The following ARHGEF10 variants were observed in gnomAD, a reference collection of about 807,000 sequenced individuals.
ARHGEF10 encodes the protein Rho guanine nucleotide exchange factor 10.
Under a neutral mutation model 147.4 loss-of-function variants are expected in ARHGEF10, and 140 were observed. The ratio of observed to expected loss-of-function variants is 0.95; its 90% CI spans 0.83 to 1.09. The LOEUF is 1.09. Ranked by LOEUF, ARHGEF10 falls within the 50% of genes least tolerant of loss-of-function variation. The pLI, the probability that ARHGEF10 is intolerant of heterozygous loss-of-function variation, is 0.00. For missense variants in ARHGEF10, 2,222 were observed against 1,752.7 expected (o/e 1.27, Z -4.78); for synonymous variants, 902 against 695.8 (o/e 1.30, Z -4.67).
intron 7 of ARHGEF10, among the ~76,000 whole-genome samples, chr8:1,873,874 T>TA (rs1807403935): frequency 1.3e-5 from 2 of 152,120 alleles, no homozygotes; most frequent in East Asian, 1.9e-4. Flanking sequence ...CTTTTTTTTT[T>TA]ATTGTGTCAG....
intron 11 of ARHGEF10, among the ~76,000 whole-genome samples, chr8:1,889,046 G>T (rs1183927513): frequency 1.0e-5 from 1 of 97,794 alleles, no homozygotes; most frequent in East Asian, 3.6e-4. Context: ...ATGGAGTGGG[G>T]TGCGGGTCAT....
In ARHGEF10 at chr8:1,905,626, T is replaced by A. The variant is rs1810827471; in HGVS notation, c.1877T>A (p.Val626Asp). Reference sequence around the variant, plus strand: ...CGATCAGATGATATGATAGAAACAGTTTACAACGACAGAGGAGAGATTGTT... The same window carrying A: ...CGATCAGATGATATGATAGAAACAGATTACAACGACAGAGGAGAGATTGTT... ...LIRSDDMIET[V>D]YNDRGEIVKT... Residue 626 changes from valine (V) to aspartate (D), a missense_variant, in exon 17 of 29, where the codon GTT (valine) becomes GAT (aspartate). Physicochemically the swap from Val to Asp is radical, Grantham distance 152 (BLOSUM62 -3). Transcript: ENST00000349830. The A allele has an allele frequency of 6.2e-7, 1 of 1,614,080 alleles. No individual in the cohort carries two copies. The highest frequency in any genetic ancestry group is 1.7e-5 in the Admixed American group (1 of 60,006).
intron 27 of ARHGEF10, among the ~76,000 whole-genome samples, chr8:1,951,011 A>T (rs1463052670): frequency 1.3e-5 from 2 of 152,028 alleles, no homozygotes; most frequent in African/African-American, 4.8e-5. Flanking sequence ...CCAGTATCTC[A>T]CATCCCTGCT....
At chr8:1,843,756 G>A (rs1329474173) in intron 2 of ARHGEF10, among the ~76,000 whole-genome samples, 1 of 152,194 alleles carries the variant, frequency 6.6e-6, no homozygotes, top group Non-Finnish European at 1.5e-5. Context: ...GGTTGTTACA[G>A]AATGGCGCCT....
chr8:1,894,290 C>T (rs1404128269), intron 12 of ARHGEF10, 103 bp from the exon 13 acceptor site: 2 of 1,201,170 alleles, frequency 1.7e-6, no homozygotes, highest in South Asian at 1.3e-5. Context: ...TTTGAGGCTG[C>T]AGTGAGCCAT....
chr8:1,844,853 G>C (rs1804429145), intron 2 of ARHGEF10, among the ~76,000 whole-genome samples: 1 of 152,108 alleles, frequency 6.6e-6, no homozygotes, highest in South Asian at 2.1e-4. Context: ...AATCACTTGA[G>C]CCCAGGAGTT....
In ARHGEF10 at chr8:1,909,333, ACTTGC is replaced by A; in HGVS notation, c.2007_2011del (p.Leu670GlufsTer40). ...AGCCGTGTGATGAGCAGCCAGAGGT[ACTTGC>A]TGAAGTGGAGCGTTCCACTGGGACA... On this transcript the variant is annotated frameshift_variant, in exon 18 of 29. Coordinates refer to ENST00000349830, the MANE Select transcript of ARHGEF10 (RefSeq NM_014629.4). LOFTEE classifies it high-confidence loss of function. 1 of 1,614,234 alleles carries A rather than the reference ACTTGC, an allele frequency of 6.2e-7. No individual in the cohort carries two copies. Among genetic ancestry groups the A allele is most frequent in the Non-Finnish European group, 8.5e-7 (1 of 1,180,046 alleles).
chr8:1,933,779 A>C (rs746742048), intron 25 of ARHGEF10, 21 bp from the exon 26 acceptor site: 32 of 1,614,052 alleles, frequency 2.0e-5, no homozygotes. Context: ...ACTTGAATGA[A>C]ATGAAATATT....
intron 1 of ARHGEF10, among the ~76,000 whole-genome samples, chr8:1,828,584 C>G (rs1283082057): frequency 7.3e-6 from 1 of 136,432 alleles, no homozygotes; most frequent in Non-Finnish European, 1.5e-5. Context: ...GTGGCATGCA[C>G]ACTTCCTGTT....
intron 24 of ARHGEF10, among the ~76,000 whole-genome samples, chr8:1,929,056 G>C (rs1244762846): frequency 6.6e-6 from 1 of 151,982 alleles, no homozygotes; most frequent in Non-Finnish European, 1.5e-5. Context: ...GAAGTTCCAA[G>C]ATACACAGTA....
Position 1,956,648 on chromosome 8 carries a change from G to A in ARHGEF10, c.3521-101G>A, listed in dbSNP as rs1294632778. ...GTTACTTACAGGCTTTGTTATTTGG[G>A]CAGGGAGGAATGCGTTGGGGTTAAG... On this transcript the variant is annotated intron_variant, in intron 28 of 28. Transcript: ENST00000349830. The A allele has an allele frequency of 8.8e-6, 11 of 1,256,320 alleles. No individual in the cohort carries two copies. In the East Asian group the frequency reaches 2.3e-4, roughly 27 times the overall value. 77.8% of individuals were successfully genotyped at this position (1,256,320 alleles called of 1,614,324 possible).
chr8:1,953,623 G>A (rs1815238578), intron 28 of ARHGEF10, among the ~76,000 whole-genome samples: 1 of 26,954 alleles, frequency 3.7e-5, no homozygotes, highest in Admixed American at 4.3e-4. Context: ...ATTTGCCACA[G>A]CATTTAATTT....
At chr8:1,828,361 G>A (rs973395156) in intron 1 of ARHGEF10, among the ~76,000 whole-genome samples, 1 of 151,220 alleles carries the variant, frequency 6.6e-6, no homozygotes, top group African/African-American at 2.4e-5. Context: ...CACACTTAAC[G>A]GTTTTAAGGA....
At chr8:1,853,223 G>A (rs1805281502) in intron 2 of ARHGEF10, among the ~76,000 whole-genome samples, 2 of 152,198 alleles carry the variant, frequency 1.3e-5, no homozygotes, top group African/African-American at 4.8e-5. Context: ...GGGGCACAGA[G>A]CCTCTCCCTA....
intron 1 of ARHGEF10, among the ~76,000 whole-genome samples, chr8:1,836,213 C>G (rs988749947): frequency 1.3e-5 from 2 of 151,840 alleles, no homozygotes; most frequent in Non-Finnish European, 2.9e-5. Context: ...AAAACACAAT[C>G]CAAATGCACA....
chr8:1,862,561 A>G (rs547369348), intron 4 of ARHGEF10, among the ~76,000 whole-genome samples: 3 of 152,102 alleles, frequency 2.0e-5, no homozygotes, highest in South Asian at 4.2e-4. Context: ...CGGAAGGCGG[A>G]GGAAAGAAGA....
chr8:1,850,101 G>T lies in ARHGEF10; in HGVS notation c.37+6665G>T, dbSNP rs13262785. On this transcript the variant is annotated intron_variant, in intron 2 of 28. Transcript: ENST00000349830. ...ACAGAGGGCAAATGCTGAGGAGGGC[G>T]TGGGCCGGCTGCATGGACACAGAGG... 6.5e-4 allele frequency among the ~76,000 whole-genome samples: 78 copies of T among 119,294 alleles called. No individual in the cohort carries two copies. The East Asian group carries it at 8.3e-3, about 13-fold the overall frequency. The allele number at this position is 119,294 out of a possible 152,430, so 78.3% of individuals were successfully genotyped here.
intron 25 of ARHGEF10, among the ~76,000 whole-genome samples, chr8:1,932,423 C>T (rs1563305074): frequency 6.6e-6 from 1 of 151,916 alleles, no homozygotes; most frequent in Non-Finnish European, 1.5e-5. Flanking sequence ...GGCAGGTGCA[C>T]GTACTTGTGG....
At chr8:1,929,589 C>T (rs990414164) in intron 25 of ARHGEF10, 146 bp downstream of exon 25, 33 of 948,352 alleles carry the variant, frequency 3.5e-5, no homozygotes, top group Middle Eastern at 3.4e-4. Context: ...TTGCCCAAGG[C>T]CCGGGTGCCT....
Sources: allele counts gnomAD v4.1 joint callset (sites outside exome capture counted in the v4.1 genomes callset), GRCh38; gene constraint gnomAD v4.1.1; transcripts MANE v1.5; gene names NCBI Gene and HGNC (gene_info 2026-07-23, HGNC 2026-07-21).